Variants in CCDC146 observed in about 807,000 individuals in gnomAD.
CCDC146 encodes coiled-coil domain containing 146, also known as coiled-coil domain-containing protein 146.
CCDC146 carries 92 observed loss-of-function variants against 119.3 expected under a neutral mutation model. The observed-to-expected ratio is 0.77, with a 90% confidence interval of 0.65 to 0.92. The LOEUF (loss-of-function observed/expected upper bound fraction) is 0.92, where lower values mean the gene tolerates loss of function less well. Ranked by LOEUF, CCDC146 falls within the 40% of genes least tolerant of loss-of-function variation. The pLI is 0.00. For synonymous variants in CCDC146, 372 were observed against 371.8 expected (o/e 1.00, Z -0.01); for missense variants, 1,000 against 1,103.0 (o/e 0.91, Z 1.32).
chr7:77,274,172 A>G (rs780025883), intron 10 of CCDC146, among the ~76,000 whole-genome samples: 2 of 152,234 alleles, frequency 1.3e-5, no homozygotes, highest in African/African-American at 4.8e-5. Context: ...ATGTTAACCC[A>G]TCGATTTTCA....
intron 7 of CCDC146, among the ~76,000 whole-genome samples, chr7:77,259,797 G>GCA (rs546030797): frequency 4.9e-4 from 75 of 152,228 alleles, no homozygotes; most frequent in African/African-American, 1.8e-3. Context: ...GCCTTCCGTG[G>GCA]CACTCAGTGG....
rs959941394 is a variant in CCDC146, at chr7:77,241,852, A to G, written c.401A>G (p.Tyr134Cys). 6.2e-7 allele frequency: 1 copy of G among 1,614,082 alleles called. No homozygotes were observed. Among genetic ancestry groups the G allele is most frequent in the South Asian group, 1.1e-5 (1 of 91,088 alleles). Residue 134 changes from tyrosine (Y) to cysteine (C), a missense_variant, in exon 4 of 19, where the codon TAT becomes TGT. Tyr to Cys is a radical substitution (Grantham distance 194). Coordinates refer to ENST00000285871, the MANE Select transcript of CCDC146 (RefSeq NM_020879.3). ...REQLLKYQNEYNAVKEREFHN... is the reference protein window; with the variant it reads ...REQLLKYQNECNAVKEREFHN... Reference sequence around the variant, plus strand: ...CAACTTCTCAAGTATCAAAATGAATATAATGCAGTGAAGGAAAGAGAGTTC... The same window carrying G: ...CAACTTCTCAAGTATCAAAATGAATGTAATGCAGTGAAGGAAAGAGAGTTC...
chr7:77,284,669 A>G (rs1793818287), intron 15 of CCDC146, among the ~76,000 whole-genome samples: 1 of 151,376 alleles, frequency 6.6e-6, no homozygotes. Flanking sequence ...TATAAAACCT[A>G]TTATCTAGTA....
At chr7:77,194,355 T>TA (rs1463211859) in intron 2 of CCDC146, 2 of 152,060 alleles carry the variant, frequency 1.3e-5, no homozygotes, top group South Asian at 2.1e-4. Flanking sequence ...AAGTAAAAAG[T>TA]AAAAAACAAC....
chr7:77,147,091 C>T (rs374941435), intron 1 of CCDC146, among the ~76,000 whole-genome samples: 32 of 152,258 alleles, frequency 2.1e-4, no homozygotes, highest in African/African-American at 5.8e-4. Flanking sequence ...CCGTATTTCT[C>T]GGGTACTTTG....
At chr7:77,201,928 AT>A (rs1562831686) in intron 2 of CCDC146, among the ~76,000 whole-genome samples, 1 of 152,112 alleles carries the variant, frequency 6.6e-6, no homozygotes. Context: ...AAAAAAAACC[AT>A]TTTGTAAAGT....
Position 77,295,179 on chromosome 7 carries a change from C to A in CCDC146, c.*313C>A. The stretch of plus-strand genomic sequence containing the variant: ...GTAGGCAAGGTGCTATAAAAATGCA[C>A]TAAAAATAAATCTGTTCTCAATGAA... On this transcript the variant is annotated 3_prime_UTR_variant, in exon 19 of 19. Coordinates refer to ENST00000285871, the MANE Select transcript of CCDC146 (RefSeq NM_020879.3). The A allele has an allele frequency of 4.3e-6, 1 of 232,958 alleles. No homozygotes were observed. Among genetic ancestry groups the A allele is most frequent in the Non-Finnish European group, 8.4e-6 (1 of 118,492 alleles). The allele number at this position is 232,958 out of a possible 1,614,324, so 14.4% of individuals were successfully genotyped here. A position where few individuals can be genotyped will look rare whatever the true frequency, so the allele number is the denominator to read the frequency against.
chr7:77,274,301 C>T (rs1027063657), intron 10 of CCDC146, among the ~76,000 whole-genome samples, 181 bp from the exon 11 acceptor site: 3 of 151,964 alleles, frequency 2.0e-5, no homozygotes, highest in Non-Finnish European at 4.4e-5. Context: ...AACTGCTGGC[C>T]TCAAGTCATC....
intron 4 of CCDC146, among the ~76,000 whole-genome samples, chr7:77,247,602 G>A (rs1792977886): frequency 6.6e-6 from 1 of 152,080 alleles, no homozygotes; most frequent in Admixed American, 6.6e-5. Flanking sequence ...CAAATAAAAT[G>A]TCAAAAATAA....
intron 1 of CCDC146, among the ~76,000 whole-genome samples, chr7:77,166,587 G>T (rs1345032812): frequency 1.3e-5 from 2 of 150,918 alleles, no homozygotes; most frequent in Non-Finnish European, 3.0e-5. Flanking sequence ...TTACATTATT[G>T]TTATTTTATT....
At chr7:77,289,436 T>A (rs1033705460) in intron 17 of CCDC146, among the ~76,000 whole-genome samples, 19 of 152,310 alleles carry the variant, frequency 1.2e-4, no homozygotes, top group African/African-American at 4.3e-4. Context: ...CAGCTTTCAC[T>A]GTCCCCACTC....
At chr7:77,182,401 C>T (rs551488555) in intron 2 of CCDC146, among the ~76,000 whole-genome samples, 4 of 152,262 alleles carry the variant, frequency 2.6e-5, no homozygotes, top group East Asian at 1.9e-4. Context: ...GGATACTTCA[C>T]TGCCTACCAT....
chr7:77,278,972 G>C lies in CCDC146; in HGVS notation c.1565G>C (p.Arg522Pro). Residue 522 changes from arginine to proline, a missense_variant, in exon 13 of 19, where the codon CGA (arginine) becomes CCA (proline). Arg to Pro is a moderately radical substitution (Grantham distance 103). Transcript: ENST00000285871. ...TTTGCTAAACTGTATGACACCATTC[G>C]AAATGAAAGAAACAAATTTGTTAAC... ...REFAKLYDTI[R>P]NERNKFVNLL... The C allele has an allele frequency of 6.2e-7, 1 of 1,611,128 alleles. No homozygotes were observed. Among genetic ancestry groups the C allele is most frequent in the Non-Finnish European group, 8.5e-7 (1 of 1,179,200 alleles).
chr7:77,188,247 T>A (rs919179361), intron 2 of CCDC146, among the ~76,000 whole-genome samples: 1 of 152,172 alleles, frequency 6.6e-6, no homozygotes, highest in African/African-American at 2.4e-5. Flanking sequence ...ACCCCAGTTA[T>A]CCTGGTGTGA....
rs6961239 is a variant in CCDC146, at chr7:77,238,126, C to T, written c.239+1097C>T. On this transcript the variant is annotated intron_variant, in intron 3 of 18. Transcript: ENST00000285871. ...GCAAACTTCAAGTGCACCCAGGTTC[C>T]TCACACCCCTCCAAAGCCCCCAGCC... 2.1e-3 allele frequency among the ~76,000 whole-genome samples: 326 copies of T among 152,264 alleles called. 3 individuals carry two copies. The highest frequency in any genetic ancestry group is 7.2e-3 in the African/African-American group (298 of 41,534).
intron 17 of CCDC146, among the ~76,000 whole-genome samples, chr7:77,291,627 G>A (rs1022655464): frequency 2.5e-4 from 38 of 152,208 alleles, no homozygotes; most frequent in Non-Finnish European, 4.9e-4. Context: ...AGGATCACTT[G>A]AGCCTCAGGG....
chr7:77,223,953 G>A lies in CCDC146; in HGVS notation c.157-12994G>A, dbSNP rs1163664467. On this transcript the variant is annotated intron_variant, in intron 2 of 18. Coordinates refer to ENST00000285871, the MANE Select transcript of CCDC146 (RefSeq NM_020879.3). ...TTGATTCTACCTGGAGGTGTCACTT[G>A]AAGGAGCCACAGGTGGTGGCCACTG... Among the ~76,000 whole-genome samples the A allele has an allele frequency of 2.0e-5, 3 of 152,216 alleles. No homozygotes were observed. In the East Asian group the frequency reaches 5.8e-4, roughly 29 times the overall value.
intron 2 of CCDC146, among the ~76,000 whole-genome samples, chr7:77,200,112 G>T (rs141796144): frequency 6.6e-6 from 1 of 152,258 alleles, no homozygotes; most frequent in East Asian, 1.9e-4. Context: ...GTATACTTAC[G>T]CTTGAAGTAA....
At chr7:77,157,760 C>T (rs1294556613) in intron 1 of CCDC146, among the ~76,000 whole-genome samples, 1 of 152,208 alleles carries the variant, frequency 6.6e-6, no homozygotes, top group East Asian at 1.9e-4. Flanking sequence ...TGTAAGTGTG[C>T]AGTGTGTGGC....
Sources: gnomAD v4.1 joint callset for allele counts (sites outside exome capture counted in the v4.1 genomes callset) on GRCh38, gnomAD v4.1.1 for gene constraint, MANE v1.5 for transcripts, NCBI Gene and HGNC (gene_info 2026-07-23, HGNC 2026-07-21) for gene names.